Variants in TMEM51 observed in about 807,000 individuals in gnomAD.
The protein encoded by TMEM51 is chromosome 1 open reading frame 72.
Under a neutral mutation model 13.6 loss-of-function variants are expected in TMEM51, and 8 were observed. The observed-to-expected ratio is 0.59, with a 90% CI of 0.35 to 1.07. TMEM51 has a LOEUF of 1.07. Among genes scored for constraint, TMEM51 ranks in the 50% least tolerant of loss-of-function variants. TMEM51 has a pLI of 0.02. For missense variants in TMEM51, 279 were observed against 330.7 expected (o/e 0.84, Z 1.21); for synonymous variants, 147 against 144.4 (o/e 1.02, Z -0.13).
chr1:15,175,312 A>G (rs1237609899), intron 1 of TMEM51, among the ~76,000 whole-genome samples: 3 of 152,218 alleles, frequency 2.0e-5, no homozygotes, highest in African/African-American at 7.2e-5. Context: ...AGGAAGGAGA[A>G]TAGCTTGAAC....
chr1:15,164,895 C>T (rs1420860956), intron 1 of TMEM51, among the ~76,000 whole-genome samples: 7 of 150,200 alleles, frequency 4.7e-5, no homozygotes, highest in African/African-American at 1.2e-4. Context: ...CTCTGCCTCC[C>T]GAGTTCAAGC....
In TMEM51 at chr1:15,203,404, G is replaced by A. The variant is rs541986704; in HGVS notation, c.-266-7086G>A. Reference sequence around the variant, plus strand: ...CGAGTAGCTGGGATTACAGGCGTGCGCCACCCCTCCCGGCTAATTTTTGTA... The same window carrying A: ...CGAGTAGCTGGGATTACAGGCGTGCACCACCCCTCCCGGCTAATTTTTGTA... On this transcript the variant is annotated intron_variant, in intron 1 of 3. Coordinates refer to ENST00000376008, the MANE Select transcript of TMEM51 (RefSeq NM_001136218.2). 6.8e-4 allele frequency among the ~76,000 whole-genome samples: 103 copies of A among 151,188 alleles called. 1 individual carries two copies. The highest frequency in any genetic ancestry group is 2.3e-3 in the African/African-American group (95 of 40,956).
At chr1:15,203,384 A>C (rs1367286207) in intron 1 of TMEM51, among the ~76,000 whole-genome samples, 1 of 151,192 alleles carries the variant, frequency 6.6e-6, no homozygotes, top group East Asian at 1.9e-4. Flanking sequence ...CCTCCCGAGT[A>C]GCTGGGATTA....
rs1644486824 is a variant in TMEM51 at position 15,219,719 on chromosome 1, C to T, written c.738C>T (p.Ala246=). Residue 246 remains alanine (A), a synonymous_variant, in exon 4 of 4, where the codon GCC becomes GCT. Coordinates refer to ENST00000376008, the MANE Select transcript of TMEM51 (RefSeq NM_001136218.2). The part of the protein sequence containing the change: ...PPQYDEVQEK[A]PDTRPPD The stretch of plus-strand genomic sequence containing the variant: ...AGTATGATGAAGTCCAGGAGAAGGC[C>T]CCCGACACCCGGCCGCCCGACTGAA... The T allele has an allele frequency of 1.2e-6, 2 of 1,613,294 alleles. No homozygotes were observed. The highest frequency in any genetic ancestry group is 3.3e-5 in the Admixed American group (2 of 59,964).
chr1:15,174,497 C>T (rs1643394223), intron 1 of TMEM51, among the ~76,000 whole-genome samples: 10 of 152,270 alleles, frequency 6.6e-5, no homozygotes, highest in Admixed American at 6.5e-4. Flanking sequence ...CTGCCTTAGC[C>T]TTTCAAAGTG....
At chr1:15,197,854 C>A (rs1644080770) in intron 1 of TMEM51, among the ~76,000 whole-genome samples, 1 of 150,894 alleles carries the variant, frequency 6.6e-6, no homozygotes, top group South Asian at 2.1e-4. Context: ...AACTATGTCC[C>A]TTTCCTTGTG....
chr1:15,182,206 A>ACTGACTG (rs1557841738), intron 1 of TMEM51, among the ~76,000 whole-genome samples: 4 of 148,928 alleles, frequency 2.7e-5, no homozygotes, highest in South Asian at 2.1e-4. Flanking sequence ...ATAAATAAAT[A>ACTGACTG]ACTGCACTAG....
rs747949238 is a variant in TMEM51, at chr1:15,215,067, C to A, written c.-21C>A. On this transcript the variant is annotated 5_prime_UTR_variant, in exon 3 of 4. Coordinates refer to ENST00000376008, the MANE Select transcript of TMEM51 (RefSeq NM_001136218.2). ...ATTTATTTTCTTTCTTGGAACTGGG[C>A]CTCGCCCTCCTCCCACTGACATGAT... 3 of 1,590,258 alleles carry A rather than the reference C, an allele frequency of 1.9e-6. No individual in the cohort carries two copies. In the African/African-American group the frequency reaches 4.0e-5, roughly 21 times the overall value.
intron 1 of TMEM51, among the ~76,000 whole-genome samples, chr1:15,208,821 C>T (rs977551480): frequency 2.0e-5 from 3 of 151,964 alleles, no homozygotes; most frequent in Non-Finnish European, 4.4e-5. Flanking sequence ...GAGCCTCGTC[C>T]AGGCTGGTGG....
At chr1:15,163,898 G>A (rs1029902016) in intron 1 of TMEM51, among the ~76,000 whole-genome samples, 2 of 151,388 alleles carry the variant, frequency 1.3e-5, no homozygotes, top group Admixed American at 6.6e-5. Flanking sequence ...GCGTGGTCTC[G>A]GCTCACAGCA....
At chr1:15,201,902 G>A (rs932098318) in intron 1 of TMEM51, among the ~76,000 whole-genome samples, 1 of 152,192 alleles carries the variant, frequency 6.6e-6, no homozygotes, top group Admixed American at 6.5e-5. Context: ...GCTTGCTTCT[G>A]CAGGACTCGT....
chr1:15,201,689 C>T (rs967574548), intron 1 of TMEM51, among the ~76,000 whole-genome samples: 1 of 152,010 alleles, frequency 6.6e-6, no homozygotes, highest in Non-Finnish European at 1.5e-5. Context: ...GATGAGGGAA[C>T]GGGGAATGGC....
In TMEM51 at chr1:15,207,522, T is replaced by A. The variant is rs987526297; in HGVS notation, c.-266-2968T>A. ...CAAGTTCATGGAGACTCAATCCAGA[T>A]GTGCCTGGCTGTGATGGCCCCACTC... is the stretch of plus-strand genomic sequence containing the variant. On this transcript the variant is annotated intron_variant, in intron 1 of 3. Coordinates refer to ENST00000376008, the MANE Select transcript of TMEM51 (RefSeq NM_001136218.2). This position sits in a 1 kb window ranked among gnomAD's most constrained non-coding sequence, Gnocchi z 4.6. Among the ~76,000 whole-genome samples the A allele has an allele frequency of 2.0e-5, 3 of 152,232 alleles. No individual in the cohort carries two copies. Among genetic ancestry groups the A allele is most frequent in the Non-Finnish European group, 2.9e-5 (2 of 68,034 alleles).
At chr1:15,203,628 C>G (rs1226712969) in intron 1 of TMEM51, among the ~76,000 whole-genome samples, 1 of 152,168 alleles carries the variant, frequency 6.6e-6, no homozygotes. Flanking sequence ...TACCATACCA[C>G]AGACTCTAAT....
intron 1 of TMEM51, among the ~76,000 whole-genome samples, chr1:15,155,654 G>A (rs1214123899): frequency 2.6e-5 from 4 of 152,204 alleles, no homozygotes; most frequent in Non-Finnish European, 5.9e-5. Context: ...AGCGACAGGA[G>A]AGTGCCTGGG....
At chr1:15,215,545 C>A in intron 3 of TMEM51, 114 bp downstream of exon 3, 3 of 971,882 alleles carry the variant, frequency 3.1e-6, no homozygotes, top group Non-Finnish European at 4.4e-6. Flanking sequence ...GCTTTATTGT[C>A]CCATGTTCGC....
At chr1:15,160,326 T>G (rs1211609193) in intron 1 of TMEM51, among the ~76,000 whole-genome samples, 1 of 152,144 alleles carries the variant, frequency 6.6e-6, no homozygotes, top group Admixed American at 6.6e-5. Context: ...CAGGCTGGAG[T>G]GCAGTGGTGC....
At chr1:15,181,629 C>T (rs775707730) in intron 1 of TMEM51, among the ~76,000 whole-genome samples, 6 of 152,228 alleles carry the variant, frequency 3.9e-5, no homozygotes, top group Admixed American at 2.6e-4. Flanking sequence ...AGCCCTGGCT[C>T]TCAGGTCATG....
rs568296053 is a variant in TMEM51 at position 15,179,210 on chromosome 1, C to T, written c.-267+25256C>T. ...TTCTACCTGTGACCCAGCAATTGCA[C>T]TTCTGGGTATTTATAGAGAGAAAGG... On this transcript the variant is annotated intron_variant, in intron 1 of 3. Coordinates refer to ENST00000376008, the MANE Select transcript of TMEM51 (RefSeq NM_001136218.2). 5.3e-5 allele frequency among the ~76,000 whole-genome samples: 8 copies of T among 152,280 alleles called. No individual in the cohort carries two copies. In the East Asian group the frequency reaches 1.4e-3, roughly 26 times the overall value.
Sources: gnomAD v4.1 joint callset for allele counts (sites outside exome capture counted in the v4.1 genomes callset) on GRCh38, gnomAD v4.1.1 for gene constraint, Gnocchi (gnomAD v3.1) non-coding constraint, MANE v1.5 for transcripts, NCBI Gene and HGNC (gene_info 2026-07-23, HGNC 2026-07-21) for gene names.